Variants in CDK18 observed in about 807,000 individuals in gnomAD.
CDK18 encodes cyclin dependent kinase 18, also known as cyclin-dependent kinase 18.
Under a neutral mutation model 62.0 loss-of-function variants are expected in CDK18, and 52 were observed. The ratio of observed to expected loss-of-function variants is 0.84; its 90% CI spans 0.67 to 1.06. The LOEUF is 1.06. Ranked by LOEUF, CDK18 falls within the 50% of genes least tolerant of loss-of-function variation. The pLI is 0.00. For synonymous variants in CDK18, 237 were observed against 247.0 expected (o/e 0.96, Z 0.38); for missense variants, 604 against 619.9 (o/e 0.97, Z 0.27).
At chr1:205,506,920 G>C (rs1295646066) in intron 1 of CDK18, among the ~76,000 whole-genome samples, 2 of 152,230 alleles carry the variant, frequency 1.3e-5, no homozygotes. Context: ...TGCCAGCCCT[G>C]CAAACCCCCG....
chr1:205,529,730 A>T, intron 13 of CDK18, 167 bp downstream of exon 13: 9 of 1,537,388 alleles, frequency 5.9e-6, no homozygotes, highest in Non-Finnish European at 7.9e-6. Context: ...CTCCATACAC[A>T]TCCTCTGGAG....
At chr1:205,524,380 G>A (rs766430827) in intron 4 of CDK18, 23 bp downstream of exon 4, 6 of 1,613,892 alleles carry the variant, frequency 3.7e-6, no homozygotes, top group Non-Finnish European at 5.1e-6. Context: ...AGGGTCAGAG[G>A]ACACAAGGTG....
intron 1 of CDK18, among the ~76,000 whole-genome samples, chr1:205,518,753 G>A (rs916027244): frequency 6.6e-6 from 1 of 152,204 alleles, no homozygotes; most frequent in South Asian, 2.1e-4. Flanking sequence ...GGGCACAGTG[G>A]CCTCTGGCAA....
chr1:205,505,329 G>C (rs1161114180), intron 1 of CDK18, among the ~76,000 whole-genome samples: 1 of 152,184 alleles, frequency 6.6e-6, no homozygotes, highest in African/African-American at 2.4e-5. Context: ...GCAGGCAGGG[G>C]GTGGGAGGCC....
chr1:205,530,323 G>C lies in CDK18; in HGVS notation c.1286G>C (p.Gly429Ala). The C allele has an allele frequency of 6.2e-7, 1 of 1,613,136 alleles. No homozygotes were observed. Among genetic ancestry groups the C allele is most frequent in the Non-Finnish European group, 8.5e-7 (1 of 1,180,032 alleles). The change falls in exon 14 of 16, where the codon GGA becomes GCA. Residue 429 changes from glycine to alanine, a missense_variant. By Grantham distance (60) the Gly-to-Ala change is moderately conservative. Transcript: ENST00000429964. The stretch of plus-strand genomic sequence containing the variant: ...AGTCACTCCTACTTCCGGTCTCTGG[G>C]AGAGCGTGTGCACCAGCTTGAAGAC... ...ALSHSYFRSLGERVHQLEDTA... is the reference protein window; with the variant it reads ...ALSHSYFRSLAERVHQLEDTA...
chr1:205,529,768 A>G, intron 13 of CDK18: 1 of 1,517,726 alleles, frequency 6.6e-7, no homozygotes, highest in Non-Finnish European at 8.8e-7. Context: ...CAAACCCGTT[A>G]CTTAGCTGTG....
chr1:205,529,313 C>T lies in CDK18; in HGVS notation c.1073-11C>T, dbSNP rs368102350. 2.3e-5 allele frequency: 37 copies of T among 1,609,338 alleles called. No homozygotes were observed. The Admixed American group carries it at 5.4e-4, about 23-fold the overall frequency. ...CACGCAGGCCCTCCCCACCCTCTCT[C>T]GTCTCCCCAGGGACCCCCACAGAAG... On this transcript the variant is annotated splice_polypyrimidine_tract_variant and intron_variant, in intron 11 of 15. Coordinates refer to ENST00000429964, the MANE Select transcript of CDK18 (RefSeq NM_212502.3).
At chr1:205,523,370 C>CA in intron 2 of CDK18, 73 bp downstream of exon 2, 1 of 1,603,498 alleles carries the variant, frequency 6.2e-7, no homozygotes, top group Non-Finnish European at 8.5e-7. Flanking sequence ...CCTCCCCGCC[C>CA]ACCCCCTCCC....
rs1163031390 is a variant in CDK18 at position 205,530,243 on chromosome 1, A to G, written c.1222-16A>G. 3.7e-6 allele frequency: 6 copies of G among 1,610,794 alleles called. No individual in the cohort carries two copies. Among genetic ancestry groups the G allele is most frequent in the Non-Finnish European group, 5.1e-6 (6 of 1,180,000 alleles). On this transcript the variant is annotated splice_polypyrimidine_tract_variant and intron_variant, in intron 13 of 15. Coordinates refer to ENST00000429964, the MANE Select transcript of CDK18 (RefSeq NM_212502.3). The stretch of plus-strand genomic sequence containing the variant: ...CCCCCCAGCCGGGCCCAATAGCCCC[A>G]CCCTGTGCCTTTCAGTATGAATCCA...
Position 205,517,943 on chromosome 1 carries a change from G to T in CDK18, c.-21-5204G>T, listed in dbSNP as rs1170621465. Among the ~76,000 whole-genome samples the T allele has an allele frequency of 6.6e-6, 1 of 152,122 alleles. No homozygotes were observed. Among genetic ancestry groups the T allele is most frequent in the Non-Finnish European group, 1.5e-5 (1 of 68,030 alleles). ...TTACCCCTCGAGGCCCAACACAGCT[G>T]CTCCGCACTCCCATCCAGCATCTTC... On this transcript the variant is annotated intron_variant, in intron 1 of 15. Coordinates refer to ENST00000429964, the MANE Select transcript of CDK18 (RefSeq NM_212502.3). This position sits in a 1 kb window ranked among gnomAD's most constrained non-coding sequence, Gnocchi z 4.1.
chr1:205,528,012 C>T lies in CDK18; in HGVS notation c.854-36C>T, dbSNP rs774241027. 16 of 1,613,922 alleles carry T rather than the reference C, an allele frequency of 9.9e-6. No homozygotes were observed. In the South Asian group the frequency reaches 1.8e-4, roughly 18 times the overall value. On this transcript the variant is annotated intron_variant, in intron 9 of 15. Transcript: ENST00000429964. The surrounding 1 kb of genome is among the most constrained non-coding windows in gnomAD (Gnocchi z 4.2). ...GGCATAGCAGTCAACCCCACAGCACCTGTGGACAGAGGTCCAGTGACATGT... is the reference window on the plus strand; with the variant it reads ...GGCATAGCAGTCAACCCCACAGCACTTGTGGACAGAGGTCCAGTGACATGT...
Position 205,526,473 on chromosome 1 carries a change from G to C in CDK18, c.666+12G>C. 1.3e-6 allele frequency: 2 copies of C among 1,598,932 alleles called. No homozygotes were observed. The highest frequency in any genetic ancestry group is 1.7e-6 in the Non-Finnish European group (2 of 1,166,658). The stretch of plus-strand genomic sequence containing the variant: ...TGTTTGAGTACCTGGTGAGAGTCCG[G>C]CTGGGGCTGGCCGCCTCTCCCTCTT... On this transcript the variant is annotated intron_variant, in intron 7 of 15. Coordinates refer to ENST00000429964, the MANE Select transcript of CDK18 (RefSeq NM_212502.3).
chr1:205,524,187 C>T lies in CDK18; in HGVS notation c.274-45C>T, dbSNP rs568666720. 2.4e-5 allele frequency: 38 copies of T among 1,613,392 alleles called. No individual in the cohort carries two copies. The East Asian group carries it at 6.5e-4, about 27-fold the overall frequency. On this transcript the variant is annotated intron_variant, in intron 3 of 15. Coordinates refer to ENST00000429964, the MANE Select transcript of CDK18 (RefSeq NM_212502.3). ...TCTGGAGCCCCACAGCCCTAGCTAC[C>T]CTGAAACCAACAGTGGTGTCCCCAT...
chr1:205,519,907 A>G (rs943972596), intron 1 of CDK18, among the ~76,000 whole-genome samples: 1 of 152,172 alleles, frequency 6.6e-6, no homozygotes, highest in African/African-American at 2.4e-5. Flanking sequence ...CAAATCCAAC[A>G]TGCCATCCCA....
At chr1:205,515,173 ATTT>A (rs34027094) in intron 1 of CDK18, among the ~76,000 whole-genome samples, 5 of 117,760 alleles carry the variant, frequency 4.2e-5, no homozygotes, top group African/African-American at 6.6e-5. Context: ...GCTTTGAAGG[ATTT>A]TTTTTTTTTT....
At chr1:205,529,863 C>T (rs1668650604) in intron 13 of CDK18, 8 of 1,334,698 alleles carry the variant, frequency 6.0e-6, no homozygotes, top group Non-Finnish European at 8.0e-6. Flanking sequence ...ATAAGATGGC[C>T]GTGAGGATAC....
rs746571775 is a variant in CDK18, at chr1:205,524,343, C to T, written c.385C>T (p.Arg129Cys). The T allele has an allele frequency of 9.9e-6, 16 of 1,614,066 alleles. No individual in the cohort carries two copies. Among genetic ancestry groups the T allele is most frequent in the Admixed American group, 3.3e-5 (2 of 60,014 alleles). The change falls in exon 4 of 16, where the codon CGC becomes TGC. Residue 129 changes from arginine to cysteine, a missense_variant. Transcript: ENST00000429964. ...DLPKPLSRMS[R>C]RASLSDIGFG... ...GCCCAAGCCGCTCAGCCGCATGTCCCGCCGGGCCTCCCTGGTGAGTCCCAA... is the reference window on the plus strand; with the variant it reads ...GCCCAAGCCGCTCAGCCGCATGTCCTGCCGGGCCTCCCTGGTGAGTCCCAA...
At chr1:205,514,576 G>C (rs1667726472) in intron 1 of CDK18, among the ~76,000 whole-genome samples, 1 of 152,220 alleles carries the variant, frequency 6.6e-6, no homozygotes, top group Non-Finnish European at 1.5e-5. Context: ...GCACGTGGCA[G>C]TGTGTCCTGG....
Position 205,509,151 on chromosome 1 carries a change from A to G in CDK18, c.-22+4355A>G, listed in dbSNP as rs188554439. Among the ~76,000 whole-genome samples the G allele has an allele frequency of 2.4e-3, 365 of 152,248 alleles. 4 individuals are homozygous for G. Among genetic ancestry groups the G allele is most frequent in the South Asian group, 0.012 (56 of 4,820 alleles). ...GCGAGAAACAAAACAAAACAAAACA[A>G]AAAACGGGTCTTGAAGCAAAGCTCC... On this transcript the variant is annotated intron_variant, in intron 1 of 15. Transcript: ENST00000429964.
Sources: gnomAD v4.1 joint callset for allele counts (sites outside exome capture counted in the v4.1 genomes callset) on GRCh38, gnomAD v4.1.1 for gene constraint, Gnocchi (gnomAD v3.1) non-coding constraint, MANE v1.5 for transcripts, NCBI Gene and HGNC (gene_info 2026-07-23, HGNC 2026-07-21) for gene names.